The following ITPR1 variants were observed in gnomAD, a reference collection of about 807,000 sequenced individuals.
ITPR1 encodes inositol 1,4,5-trisphosphate-gated calcium channel ITPR1.
Under a neutral mutation model 318.4 loss-of-function variants are expected in ITPR1, and 96 were observed. The ratio of observed to expected loss-of-function variants is 0.30; its 90% CI spans 0.26 to 0.36. ITPR1 has a LOEUF of 0.36. Among genes scored for constraint, ITPR1 ranks in the 10% least tolerant of loss-of-function variants. ITPR1 has a pLI of 1.00. For missense variants in ITPR1, 2,440 were observed against 3,460.2 expected, an observed-to-expected ratio of 0.71 and a Z score of 7.40; for synonymous variants, 1,312 against 1,289.9, an observed-to-expected ratio of 1.02 and a Z score of -0.37.
chr3:4,806,637 A>G (rs892442465), intron 55 of ITPR1, among the ~76,000 whole-genome samples: 2 of 152,294 alleles, frequency 1.3e-5, no homozygotes, highest in East Asian at 3.9e-4. Context: ...CTGTCATCCA[A>G]CAGCTCTCAG....
chr3:4,690,274 CAAAT>C (rs1424523630), intron 31 of ITPR1, among the ~76,000 whole-genome samples: 1 of 152,040 alleles, frequency 6.6e-6, no homozygotes, highest in East Asian at 1.9e-4. Context: ...GACTGTATCT[CAAAT>C]AAATAAATAA....
chr3:4,801,033 CAG>C (rs1351919637), intron 54 of ITPR1, among the ~76,000 whole-genome samples: 3 of 152,150 alleles, frequency 2.0e-5, no homozygotes, highest in African/African-American at 7.2e-5. Context: ...TGGCCAAATA[CAG>C]AGACAGGGCA....
intron 44 of ITPR1, 119 bp from the exon 45 acceptor site, chr3:4,766,411 C>T: frequency 1.3e-6 from 1 of 754,284 alleles, no homozygotes; most frequent in Non-Finnish European, 2.2e-6. Context: ...TTGATCTAAA[C>T]TTAGATCATG....
intron 44 of ITPR1, among the ~76,000 whole-genome samples, chr3:4,754,053 G>A (rs71634749): frequency 4.8e-5 from 7 of 146,562 alleles, no homozygotes; most frequent in African/African-American, 1.8e-4. Flanking sequence ...GAAAATGGGG[G>A]GGGGGTGGCA....
chr3:4,644,086 G>A lies in ITPR1; in HGVS notation c.526-50G>A, dbSNP rs750297423. ...TCTAGAACTGCCCAGTGGTCAATCCGCAGTCCTTATCAGTTTTGTGCAAAG... is the reference window on the plus strand; with the variant it reads ...TCTAGAACTGCCCAGTGGTCAATCCACAGTCCTTATCAGTTTTGTGCAAAG... On this transcript the variant is annotated intron_variant, in intron 7 of 61. Coordinates refer to ENST00000649015, the MANE Select transcript of ITPR1 (RefSeq NM_001378452.1). 11 of 1,240,720 alleles carry A rather than the reference G, an allele frequency of 8.9e-6. No homozygotes were observed. In the African/African-American group the frequency reaches 1.0e-4, roughly 12 times the overall value. 76.9% of individuals were successfully genotyped at this position (1,240,720 alleles called of 1,614,324 possible). A position where few individuals can be genotyped will look rare whatever the true frequency, so the allele number is the denominator to read the frequency against.
chr3:4,743,549 G>C (rs1261245903), intron 44 of ITPR1, among the ~76,000 whole-genome samples: 2 of 152,228 alleles, frequency 1.3e-5, no homozygotes, highest in African/African-American at 4.8e-5. Flanking sequence ...CCAGGTTGGT[G>C]ATAAGAGGCA....
At chr3:4,611,229 T>TATAAA (rs1174736564) in intron 4 of ITPR1, among the ~76,000 whole-genome samples, 1 of 88,942 alleles carries the variant, frequency 1.1e-5, no homozygotes, top group Non-Finnish European at 2.0e-5. Flanking sequence ...ACCTCATCTC[T>TATAAA]ACAAAAAAAA....
At chr3:4,594,669 G>A (rs1442551690) in intron 4 of ITPR1, among the ~76,000 whole-genome samples, 1 of 152,170 alleles carries the variant, frequency 6.6e-6, no homozygotes, top group African/African-American at 2.4e-5. Flanking sequence ...CATTGAGGGA[G>A]CCTCCTTTAA....
chr3:4,509,609 A>G (rs2081648262), intron 2 of ITPR1, among the ~76,000 whole-genome samples: 1 of 152,202 alleles, frequency 6.6e-6, no homozygotes, highest in Non-Finnish European at 1.5e-5. Flanking sequence ...TGGGCACCAT[A>G]GTGAGACCTT....
At chr3:4,699,147 G>A (rs570981813) in intron 34 of ITPR1, among the ~76,000 whole-genome samples, 4 of 151,686 alleles carry the variant, frequency 2.6e-5, no homozygotes, top group African/African-American at 7.3e-5. Flanking sequence ...CCAGGAGTTC[G>A]AGACCAGCCT....
At chr3:4,772,098 A>G (rs544173049) in intron 46 of ITPR1, among the ~76,000 whole-genome samples, 5 of 152,358 alleles carry the variant, frequency 3.3e-5, no homozygotes, top group Middle Eastern at 3.4e-3. Flanking sequence ...CAATAAAATT[A>G]TGGTGTGTAG....
At chr3:4,556,878 G>T (rs1245325221) in intron 4 of ITPR1, among the ~76,000 whole-genome samples, 1 of 152,110 alleles carries the variant, frequency 6.6e-6, no homozygotes, top group Admixed American at 6.5e-5. Context: ...AAGCATTCAG[G>T]CACAAGATGG....
Position 4,846,385 on chromosome 3 carries a change from T to G in ITPR1, c.*160T>G. On this transcript the variant is annotated 3_prime_UTR_variant, in exon 62 of 62. Transcript: ENST00000649015. The stretch of plus-strand genomic sequence containing the variant: ...GTATATGATTGCTACTCTAAAGGTT[T>G]GGATATATGTATTGTAATTAGAATT... 2.3e-6 allele frequency: 1 copy of G among 428,862 alleles called. No individual in the cohort carries two copies. The highest frequency in any genetic ancestry group is 6.6e-5 in the South Asian group (1 of 15,064). The allele number at this position is 428,862 out of a possible 1,614,324, so 26.6% of individuals were successfully genotyped here. A position where few individuals can be genotyped will look rare whatever the true frequency, so the allele number is the denominator to read the frequency against.
At chr3:4,760,407 C>G (rs1160662314) in intron 44 of ITPR1, among the ~76,000 whole-genome samples, 1 of 152,206 alleles carries the variant, frequency 6.6e-6, no homozygotes, top group Admixed American at 6.5e-5. Context: ...AGCAGACTTT[C>G]TGTTATCTTT....
At chr3:4,837,972 T>G (rs1037739538) in intron 61 of ITPR1, among the ~76,000 whole-genome samples, 1 of 152,202 alleles carries the variant, frequency 6.6e-6, no homozygotes, top group Non-Finnish European at 1.5e-5. Flanking sequence ...GGAGGTAAGT[T>G]GCAAGGTACA....
At chr3:4,811,180 C>A in intron 55 of ITPR1, 85 bp from the exon 56 acceptor site, 1 of 946,004 alleles carries the variant, frequency 1.1e-6, no homozygotes, top group Non-Finnish European at 1.5e-6. Flanking sequence ...AGGGCAAACT[C>A]TCTATAAACC....
chr3:4,708,583 A>G (rs1010833457), intron 37 of ITPR1, among the ~76,000 whole-genome samples: 5 of 152,254 alleles, frequency 3.3e-5, no homozygotes, highest in Admixed American at 2.6e-4. Flanking sequence ...CCATGAGCAT[A>G]CAGTATTTTC....
chr3:4,613,675 T>G lies in ITPR1; in HGVS notation c.164-14088T>G, dbSNP rs150472618. The stretch of plus-strand genomic sequence containing the variant: ...AAAACAAAGCATGTTTTTCCAGCAG[T>G]GCAAATTGGACATTGTTATCTTTTT... On this transcript the variant is annotated intron_variant, in intron 4 of 61. Transcript: ENST00000649015. 5.9e-5 allele frequency among the ~76,000 whole-genome samples: 9 copies of G among 152,346 alleles called. No homozygotes were observed. In the East Asian group the frequency reaches 1.7e-3, roughly 29 times the overall value.
At chr3:4,690,470 A>C (rs9815748) in intron 31 of ITPR1, among the ~76,000 whole-genome samples, 2 of 152,092 alleles carry the variant, frequency 1.3e-5, no homozygotes, top group African/African-American at 4.8e-5. Flanking sequence ...CTAAGTGTTG[A>C]CAAGGATAGG....
Sources: gnomAD v4.1 joint callset for allele counts (sites outside exome capture counted in the v4.1 genomes callset) on GRCh38, gnomAD v4.1.1 for gene constraint, MANE v1.5 for transcripts, NCBI Gene and HGNC (gene_info 2026-07-23, HGNC 2026-07-21) for gene names.